DNAH9: variants seen among roughly 807,000 people sequenced by gnomAD.
DNAH9 encodes the protein DNAH9 variant protein.
In DNAH9, 345 loss-of-function variants were observed where a neutral mutation model predicts 471.6. The ratio of observed to expected loss-of-function variants is 0.73; its 90% confidence interval spans 0.67 to 0.80. The LOEUF (loss-of-function observed/expected upper bound fraction) is 0.80. Among genes scored for constraint, DNAH9 ranks in the 30% least tolerant of loss-of-function variants. The pLI, the probability that DNAH9 is intolerant of heterozygous loss-of-function variation, is 0.00. For synonymous variants in DNAH9, 2,093 were observed against 2,123.6 expected (o/e 0.99, Z 0.40); for missense variants, 5,407 against 5,609.2 (o/e 0.96, Z 1.15).
intron 31 of DNAH9, among the ~76,000 whole-genome samples, chr17:11,746,593 C>T (rs1430899127): frequency 2.0e-5 from 3 of 152,056 alleles, no homozygotes; most frequent in Non-Finnish European, 4.4e-5. Context: ...CATGATCCAA[C>T]CACCTCCCAC....
rs1187128641 is a variant in DNAH9 at position 11,636,592 on chromosome 17, A to G, written c.1636-42A>G. On this transcript the variant is annotated intron_variant, in intron 8 of 68. Transcript: ENST00000262442. ...ATTTGTATAACCATGGAAAGGTTTA[A>G]TCTGTGATTTTTTTCCTCTTTTTCC... 7.0e-6 allele frequency: 11 copies of G among 1,571,794 alleles called. No individual in the cohort carries two copies. The East Asian group carries it at 2.5e-4, about 35-fold the overall frequency.
At chr17:11,818,145 G>A (rs1970166059) in intron 45 of DNAH9, among the ~76,000 whole-genome samples, 1 of 152,188 alleles carries the variant, frequency 6.6e-6, no homozygotes, top group South Asian at 2.1e-4. Context: ...AAGAAAGTGG[G>A]ATGGGCCGGG....
intron 40 of DNAH9, 27 bp from the exon 41 acceptor site, chr17:11,784,273 G>T: frequency 6.2e-7 from 1 of 1,610,762 alleles, no homozygotes; most frequent in South Asian, 1.1e-5. Context: ...AACGGATGTT[G>T]AGCTCATGCC....
chr17:11,881,540 C>A, intron 55 of DNAH9, 127 bp downstream of exon 55: 1 of 897,410 alleles, frequency 1.1e-6, no homozygotes, highest in Non-Finnish European at 1.6e-6. Flanking sequence ...CTCTGGAAGA[C>A]TGCTGACCCC....
Position 11,822,564 on chromosome 17 carries a change from A to G in DNAH9, c.8977A>G (p.Ser2993Gly). The G allele has an allele frequency of 1.2e-6, 2 of 1,614,210 alleles. No individual in the cohort carries two copies. The highest frequency in any genetic ancestry group is 1.6e-4 in the Middle Eastern group (1 of 6,062). The change falls in exon 47 of 69, where the codon AGC becomes GGC. Residue 2993 changes from serine to glycine, a missense_variant. This residue lies in a region of DNAH9 where 4,636 missense variants were observed against 4,900.3 expected (regional missense o/e 0.95). Coordinates refer to ENST00000262442, the MANE Select transcript of DNAH9 (RefSeq NM_001372.4). ...EWPQQALESV[S>G]LRFLQNTEGI... ...GCCTCAGCAAGCATTGGAGTCTGTC[A>G]GCCTCCGCTTCTTGCAGAACACAGA...
intron 61 of DNAH9, among the ~76,000 whole-genome samples, chr17:11,922,419 T>C (rs1191430595): frequency 6.6e-6 from 1 of 152,214 alleles, no homozygotes; most frequent in African/African-American, 2.4e-5. Context: ...ATGATCCTTT[T>C]ATCTAAAGAA....
intron 38 of DNAH9, among the ~76,000 whole-genome samples, chr17:11,778,334 A>G (rs1405618471): frequency 0.011 from 1,189 of 111,552 alleles, 15 homozygotes; most frequent in African/African-American, 0.065. Context: ...CATCTCAAAA[A>G]AAAAAAAAAA....
intron 26 of DNAH9, among the ~76,000 whole-genome samples, chr17:11,711,921 T>A (rs1304703438): frequency 4.0e-5 from 3 of 74,658 alleles, no homozygotes; most frequent in East Asian, 3.1e-4. Flanking sequence ...TATATATTTA[T>A]ATATAAATAT....
intron 22 of DNAH9, among the ~76,000 whole-genome samples, chr17:11,696,374 G>T (rs2074476918): frequency 6.6e-6 from 1 of 152,088 alleles, no homozygotes; most frequent in African/African-American, 2.4e-5. Flanking sequence ...TTGGCCATAG[G>T]TTATTTATTA....
chr17:11,644,488 G>A, intron 10 of DNAH9, 143 bp from the exon 11 acceptor site: 1 of 613,494 alleles, frequency 1.6e-6, no homozygotes, highest in Non-Finnish European at 2.8e-6. Context: ...AGATGTTCGC[G>A]AAGAAGAAAG....
intron 10 of DNAH9, among the ~76,000 whole-genome samples, chr17:11,644,309 A>G (rs2073336889): frequency 1.3e-5 from 2 of 152,074 alleles, no homozygotes; most frequent in South Asian, 2.1e-4. Context: ...TCATATCTCA[A>G]TTTCCCTTTT....
rs1342671176 is a variant in DNAH9 at position 11,693,848 on chromosome 17, T to C, written c.4615-20T>C. 1.2e-6 allele frequency: 2 copies of C among 1,614,048 alleles called. No individual in the cohort carries two copies. Among genetic ancestry groups the C allele is most frequent in the South Asian group, 2.2e-5 (2 of 91,076 alleles). ...ACTGAGTGGAGTGGTGGTTAATTGC[T>C]TCCACATTTTTATTTGCAGGATTCT... is the stretch of plus-strand genomic sequence containing the variant. On this transcript the variant is annotated intron_variant, in intron 20 of 68. Coordinates refer to ENST00000262442, the MANE Select transcript of DNAH9 (RefSeq NM_001372.4).
chr17:11,671,371 C>G (rs1439816247), intron 17 of DNAH9, among the ~76,000 whole-genome samples: 1 of 152,054 alleles, frequency 6.6e-6, no homozygotes, highest in Non-Finnish European at 1.5e-5. Flanking sequence ...CATACAGGGC[C>G]ACAGTGGGGA....
intron 36 of DNAH9, among the ~76,000 whole-genome samples, chr17:11,765,516 T>C (rs185266202): frequency 3.9e-5 from 6 of 152,234 alleles, no homozygotes; most frequent in African/African-American, 1.4e-4. Flanking sequence ...CTCCCTGATG[T>C]GTTCTTTGGT....
chr17:11,758,126 G>A (rs1358887197), intron 35 of DNAH9, among the ~76,000 whole-genome samples: 1 of 152,182 alleles, frequency 6.6e-6, no homozygotes, highest in Non-Finnish European at 1.5e-5. Context: ...GTCCCTGGCT[G>A]TGTGTGTTCA....
chr17:11,761,448 A>G lies in DNAH9; in HGVS notation c.6996-1992A>G, dbSNP rs1490491755. On this transcript the variant is annotated intron_variant, in intron 35 of 68. Transcript: ENST00000262442. ...TTTGGGAGCTCCTTGGCTCCTCCCCATCACTGGAAATCTTTCATCTGTTAT... is the reference window on the plus strand; with the variant it reads ...TTTGGGAGCTCCTTGGCTCCTCCCCGTCACTGGAAATCTTTCATCTGTTAT... 2.0e-5 allele frequency among the ~76,000 whole-genome samples: 3 copies of G among 152,160 alleles called. No homozygotes were observed. The East Asian group carries it at 5.8e-4, about 29-fold the overall frequency.
chr17:11,678,073 T>C (rs923952701), intron 17 of DNAH9, among the ~76,000 whole-genome samples: 12 of 152,126 alleles, frequency 7.9e-5, no homozygotes, highest in African/African-American at 2.9e-4. Flanking sequence ...TTTTATTTTT[T>C]GAGATGCAGT....
intron 67 of DNAH9, among the ~76,000 whole-genome samples, chr17:11,946,334 C>A (rs910464161): frequency 2.3e-4 from 35 of 151,218 alleles, no homozygotes; most frequent in Non-Finnish European, 2.1e-4. Flanking sequence ...GAAGCATAGA[C>A]AAAAAGCCTG....
At position 11,610,710 on chromosome 17, in the gene DNAH9, G is replaced by A. The variant is rs2215235; in HGVS notation, c.773+156G>A. The stretch of plus-strand genomic sequence containing the variant: ...AGACAGCTCTGTGTCATTGGGTCAA[G>A]AGAGTTTTTTGATAGACTGGGAGAT... On this transcript the variant is annotated intron_variant, in intron 3 of 68. Coordinates refer to ENST00000262442, the MANE Select transcript of DNAH9 (RefSeq NM_001372.4). Among the ~76,000 whole-genome samples the A allele has an allele frequency of 0.9, 137,045 of 152,268 alleles. 62,383 individuals carry two copies. Among genetic ancestry groups the A allele is most frequent in the East Asian group, 0.97 (5,021 of 5,184 alleles).
Sources: allele counts gnomAD v4.1 joint callset (sites outside exome capture counted in the v4.1 genomes callset), GRCh38; gene constraint gnomAD v4.1.1; regional missense constraint gnomAD v4.1.1; transcripts MANE v1.5; gene names NCBI Gene and HGNC (gene_info 2026-07-23, HGNC 2026-07-21).